RANBP2: variants seen among roughly 807,000 people sequenced by gnomAD.
RANBP2 encodes the protein RAN binding protein 2.
Under a neutral mutation model 303.6 loss-of-function variants are expected in RANBP2, and 57 were observed. The ratio of observed to expected loss-of-function variants is 0.19; its 90% CI spans 0.15 to 0.23. The LOEUF (loss-of-function observed/expected upper bound fraction) is 0.23, where lower values mean the gene tolerates loss of function less well. Among genes scored for constraint, RANBP2 ranks in the 10% least tolerant of loss-of-function variants. The pLI, the probability that RANBP2 is intolerant of heterozygous loss-of-function variation, is 1.00. For synonymous variants in RANBP2, 1,167 were observed against 1,301.5 expected, an observed-to-expected ratio of 0.90 and a Z score of 2.23; for missense variants, 3,138 against 3,780.8, an observed-to-expected ratio of 0.83 and a Z score of 4.46.
the RANBP2 span, among the ~76,000 whole-genome samples, chr2:108,797,325 G>A: frequency 6.6e-6 from 1 of 152,170 alleles, no homozygotes; most frequent in Non-Finnish European, 1.5e-5. Context: ...ACCAATGAAG[G>A]AGAGCATTTT....
the RANBP2 span, among the ~76,000 whole-genome samples, chr2:109,671,498 C>T: frequency 6.6e-6 from 1 of 152,098 alleles, no homozygotes; most frequent in Non-Finnish European, 1.5e-5. Context: ...GTTGCTGCAC[C>T]ATGGGCCTCA....
chr2:108,748,208 C>CT (rs779008153), intron 8 of RANBP2, among the ~76,000 whole-genome samples: 545 of 141,660 alleles, frequency 3.8e-3, no homozygotes, highest in Middle Eastern at 7.4e-3. Context: ...GGAAATAATT[C>CT]TTTTTTTTTT....
At chr2:109,600,608 T>C in the RANBP2 span, among the ~76,000 whole-genome samples, 1 of 151,402 alleles carries the variant, frequency 6.6e-6, no homozygotes, top group Non-Finnish European at 1.5e-5. Flanking sequence ...TGTGACCAAA[T>C]GTGGGAAGTT....
At chr2:109,501,850 A>C in the RANBP2 span, 2 of 575,792 alleles carry the variant, frequency 3.5e-6, no homozygotes, top group South Asian at 2.2e-5. Flanking sequence ...TTCTCCCAAA[A>C]CCCCCAAACG....
the RANBP2 span, among the ~76,000 whole-genome samples, chr2:109,064,479 A>AAAAAC: frequency 4.1e-4 from 58 of 141,028 alleles, 3 homozygotes; most frequent in African/African-American, 1.0e-3. Context: ...AAACAAAAAC[A>AAAAAC]AACTGGTAAA....
chr2:108,909,569 G>A, the RANBP2 span, among the ~76,000 whole-genome samples: 1 of 152,180 alleles, frequency 6.6e-6, no homozygotes, highest in Non-Finnish European at 1.5e-5. Flanking sequence ...CTGTTGCGGG[G>A]GTGTCCTTCC....
At position 108,766,111 on chromosome 2, in the gene RANBP2, G is replaced by C; in HGVS notation, c.5572G>C (p.Gly1858Arg). Residue 1858 changes from glycine (G) to arginine (R), a missense_variant, in exon 20 of 29, where the codon GGA becomes CGA. Gly to Arg is a moderately radical substitution (Grantham distance 125). Coordinates refer to ENST00000283195, the MANE Select transcript of RANBP2 (RefSeq NM_006267.5). ...KASKFGNTEQ[G>R]FKFGHVDQEN... ...TTCTAAGTTTGGCAATACAGAGCAA[G>C]GATTCAAATTTGGGCATGTGGATCA... is the stretch of plus-strand genomic sequence containing the variant. 3 of 1,614,036 alleles carry C rather than the reference G, an allele frequency of 1.9e-6. No homozygotes were observed. Among genetic ancestry groups the C allele is most frequent in the Non-Finnish European group, 2.5e-6 (3 of 1,179,986 alleles).
At chr2:109,384,753 C>G in the RANBP2 span, among the ~76,000 whole-genome samples, 6 of 152,146 alleles carry the variant, frequency 3.9e-5, no homozygotes, top group South Asian at 2.1e-4. Context: ...GCCTTCTAGA[C>G]TAAAAGTTTC....
the RANBP2 span, among the ~76,000 whole-genome samples, chr2:109,400,690 A>ACT: frequency 6.6e-6 from 1 of 151,720 alleles, no homozygotes; most frequent in Non-Finnish European, 1.5e-5. Flanking sequence ...TGGTGGATAC[A>ACT]CACCTGCACG....
chr2:109,510,273 A>C, the RANBP2 span, among the ~76,000 whole-genome samples: 1 of 152,294 alleles, frequency 6.6e-6, no homozygotes, highest in East Asian at 1.9e-4. Flanking sequence ...CTGGGCTCTC[A>C]AGGGGTGTTT....
the RANBP2 span, among the ~76,000 whole-genome samples, chr2:109,691,780 A>AG: frequency 2.4e-3 from 26 of 10,734 alleles, 1 homozygote; most frequent in South Asian, 0.14. Flanking sequence ...GTTCATGATC[A>AG]GTTTTTTTGG....
the RANBP2 span, among the ~76,000 whole-genome samples, chr2:109,066,660 C>T: frequency 1.3e-5 from 2 of 152,136 alleles, no homozygotes; most frequent in Non-Finnish European, 2.9e-5. Flanking sequence ...TTGTGTCTGT[C>T]CCCTCCTGCA....
the RANBP2 span, among the ~76,000 whole-genome samples, chr2:108,898,127 T>G: frequency 6.6e-6 from 1 of 152,184 alleles, no homozygotes; most frequent in African/African-American, 2.4e-5. Context: ...ATTGCTCTAT[T>G]CCAGCCAAAC....
Position 108,765,950 on chromosome 2 carries a change from G to C in RANBP2, c.5411G>C (p.Cys1804Ser). ...NESSSLKCVA[C>S]DASKPTHKPI... is the part of the protein sequence containing the mutation. ...AGTTCTTCCTTAAAATGTGTGGCTT[G>C]TGATGCCTCTAAACCAACTCATAAA... The change falls in exon 20 of 29, where the codon TGT becomes TCT. Residue 1804 changes from cysteine (C) to serine (S), a missense_variant. Transcript: ENST00000283195. 6.2e-7 allele frequency: 1 copy of C among 1,614,154 alleles called. No homozygotes were observed. Among genetic ancestry groups the C allele is most frequent in the Non-Finnish European group, 8.5e-7 (1 of 1,179,974 alleles).
chr2:109,039,747 G>T, the RANBP2 span, among the ~76,000 whole-genome samples: 1 of 151,770 alleles, frequency 6.6e-6, no homozygotes, highest in African/African-American at 2.4e-5. Context: ...TCTTATTTAT[G>T]AATTTATTTA....
chr2:109,492,407 A>G, the RANBP2 span, among the ~76,000 whole-genome samples: 1 of 152,086 alleles, frequency 6.6e-6, no homozygotes, highest in Non-Finnish European at 1.5e-5. Flanking sequence ...TCTGCTAACC[A>G]GTGAGAACGG....
At chr2:109,474,610 A>AG in the RANBP2 span, among the ~76,000 whole-genome samples, 10 of 152,132 alleles carry the variant, frequency 6.6e-5, no homozygotes, top group South Asian at 6.2e-4. Context: ...AGGTTTGGGC[A>AG]GGGGGGGAGA....
At chr2:109,066,698 T>C in the RANBP2 span, among the ~76,000 whole-genome samples, 2 of 152,134 alleles carry the variant, frequency 1.3e-5, no homozygotes, top group Admixed American at 1.3e-4. Flanking sequence ...GGGGAAGTAA[T>C]CATGTTGCAT....
the RANBP2 span, among the ~76,000 whole-genome samples, chr2:109,651,600 G>A: frequency 6.6e-6 from 1 of 152,300 alleles, no homozygotes; most frequent in South Asian, 2.1e-4. Flanking sequence ...ACAAAACTTT[G>A]AGCCCTTTCC....
Sources: allele counts gnomAD v4.1 joint callset (sites outside exome capture counted in the v4.1 genomes callset), GRCh38; gene constraint gnomAD v4.1.1; transcripts MANE v1.5; gene names NCBI Gene and HGNC (gene_info 2026-07-23, HGNC 2026-07-21).